The following ROS1 variants were observed in gnomAD, a reference collection of about 807,000 sequenced individuals.
ROS1 encodes ROS proto-oncogene 1, receptor tyrosine kinase.
Under a neutral mutation model 273.5 loss-of-function variants are expected in ROS1, and 263 were observed. The ratio of observed to expected loss-of-function variants is 0.96; its 90% CI spans 0.87 to 1.06. The LOEUF (loss-of-function observed/expected upper bound fraction) is 1.06. ROS1 is among the 50% of genes least tolerant of loss of function. The pLI is 0.00. For synonymous variants in ROS1, 1,008 were observed against 954.1 expected (o/e 1.06, Z -1.04); for missense variants, 2,833 against 2,751.1 (o/e 1.03, Z -0.67).
intron 18 of ROS1, among the ~76,000 whole-genome samples, chr6:117,369,346 G>T (rs1392863953): frequency 6.6e-6 from 1 of 152,074 alleles, no homozygotes; most frequent in African/African-American, 2.4e-5. Flanking sequence ...GTGGATGCTC[G>T]AGGAGCTAGA....
In ROS1 at chr6:117,365,082, CAG is replaced by C. The variant is rs755555268; in HGVS notation, c.3079_3080del (p.Leu1027ValfsTer6). 1.9e-6 allele frequency: 3 copies of C among 1,613,496 alleles called. No individual in the cohort carries two copies. The highest frequency in any genetic ancestry group is 2.5e-6 in the Non-Finnish European group (3 of 1,179,816). ...TYWGKGPKTS[L>X]SLRAPETVPS... is the part of the protein sequence containing the mutation. ...TACCTGTTTCAGGTGCTCGAAGTGA[CAG>C]AGATGTTTTGGGGCCCTTTCCCCAG... On this transcript the variant is annotated frameshift_variant, in exon 21 of 44. Transcript: ENST00000368507. LOFTEE classifies it high-confidence loss of function.
chr6:117,400,688 T>G (rs1380640081), intron 7 of ROS1, among the ~76,000 whole-genome samples: 1 of 151,818 alleles, frequency 6.6e-6, no homozygotes, highest in Non-Finnish European at 1.5e-5. Flanking sequence ...CTCCTGAGTC[T>G]CTCCTTCTCC....
intron 39 of ROS1, among the ~76,000 whole-genome samples, chr6:117,311,861 T>C (rs1225527871): frequency 1.3e-5 from 2 of 152,144 alleles, no homozygotes; most frequent in Non-Finnish European, 2.9e-5. Flanking sequence ...CCTGAAGCTA[T>C]ATTACATTGT....
At chr6:117,304,924 T>C (rs1203493804) in intron 42 of ROS1, among the ~76,000 whole-genome samples, 1 of 152,098 alleles carries the variant, frequency 6.6e-6, no homozygotes, top group Non-Finnish European at 1.5e-5. Flanking sequence ...TTGCTCCCTC[T>C]TTGCCTCCTG....
chr6:117,341,550 T>G lies in ROS1; in HGVS notation c.4734A>C (p.Pro1578=). The change falls in exon 30 of 44, where the codon CCA becomes CCC. Residue 1578 remains proline (P), a synonymous_variant. Transcript: ENST00000368507. ...AACGGACTGATTCTTTAGGTCCATT[T>G]GGCTTGTGAGATTCTCTCCAAGATA... ...LIISWRESHK[P]NGPKESVRYQ... The G allele has an allele frequency of 2.5e-6, 4 of 1,613,850 alleles. No individual in the cohort carries two copies. The highest frequency in any genetic ancestry group is 3.4e-6 in the Non-Finnish European group (4 of 1,179,770).
Position 117,425,743 on chromosome 6 carries a change from G to A in ROS1, c.-87C>T, listed in dbSNP as rs558733798. On this transcript the variant is annotated 5_prime_UTR_variant, in exon 1 of 44. Coordinates refer to ENST00000368507, the MANE Select transcript of ROS1 (RefSeq NM_001378902.1). ...TTATTTGGGCTTCATCACTTCAATT[G>A]GAGGAGTAGCTGATGGATTTTGCTT... is the stretch of plus-strand genomic sequence containing the variant. 1.1e-5 allele frequency: 15 copies of A among 1,405,952 alleles called. No homozygotes were observed. In the African/African-American group the frequency reaches 1.9e-4, roughly 18 times the overall value. 87.1% of individuals were successfully genotyped at this position (1,405,952 alleles called of 1,614,324 possible).
At chr6:117,411,042 T>C (rs1481690016) in intron 4 of ROS1, among the ~76,000 whole-genome samples, 1 of 152,166 alleles carries the variant, frequency 6.6e-6, no homozygotes, top group Non-Finnish European at 1.5e-5. Flanking sequence ...AGAGACGAGA[T>C]GTATTTGGAA....
intron 27 of ROS1, among the ~76,000 whole-genome samples, 153 bp from the exon 28 acceptor site, chr6:117,344,415 A>C (rs761599367): frequency 1.1e-4 from 17 of 152,264 alleles, no homozygotes; most frequent in Non-Finnish European, 2.1e-4. Flanking sequence ...AATGATTTGA[A>C]ATAATATTCT....
chr6:117,377,205 G>A (rs984208889), intron 18 of ROS1, among the ~76,000 whole-genome samples: 7 of 152,090 alleles, frequency 4.6e-5, no homozygotes, highest in African/African-American at 1.2e-4. Flanking sequence ...CTGCCTCCCC[G>A]GTTCAATTGA....
chr6:117,345,874 G>A (rs1778332274), intron 27 of ROS1, among the ~76,000 whole-genome samples: 1 of 152,138 alleles, frequency 6.6e-6, no homozygotes, highest in South Asian at 2.1e-4. Flanking sequence ...TCTGGTCTGG[G>A]AATTCCAAAT....
intron 35 of ROS1, among the ~76,000 whole-genome samples, chr6:117,323,909 C>G (rs1776456224): frequency 2.0e-5 from 3 of 152,128 alleles, no homozygotes; most frequent in Admixed American, 1.3e-4. Flanking sequence ...TGCTTAGAAA[C>G]CAAAACTATC....
At chr6:117,399,445 G>T (rs1285307702) in intron 7 of ROS1, among the ~76,000 whole-genome samples, 1 of 152,212 alleles carries the variant, frequency 6.6e-6, no homozygotes, top group Admixed American at 6.5e-5. Flanking sequence ...CAAACCCTGA[G>T]ATCTGACAAG....
intron 32 of ROS1, among the ~76,000 whole-genome samples, chr6:117,330,614 G>T (rs576937329): frequency 6.6e-6 from 1 of 152,140 alleles, no homozygotes; most frequent in Non-Finnish European, 1.5e-5. Context: ...CCAGAAGAAG[G>T]AGCAGACACC....
At chr6:117,380,887 T>C (rs1162880895) in intron 17 of ROS1, among the ~76,000 whole-genome samples, 1 of 152,148 alleles carries the variant, frequency 6.6e-6, no homozygotes, top group Non-Finnish European at 1.5e-5. Context: ...TCTTACTTTG[T>C]TCATTCTTTT....
At position 117,341,593 on chromosome 6, in the gene ROS1, G is replaced by A. The variant is rs1284677397; in HGVS notation, c.4691C>T (p.Ser1564Leu). 1.2e-6 allele frequency: 2 copies of A among 1,613,636 alleles called. No homozygotes were observed. Among genetic ancestry groups the A allele is most frequent in the South Asian group, 2.2e-5 (2 of 91,046 alleles). Reference protein sequence around the residue: ...AVQLINTTVRSDTSLIISWRE... With the variant: ...AVQLINTTVRLDTSLIISWRE... ...CCAAGATATAATGAGGCTGGTGTCT[G>A]ACCGCACAGTTGTATTAATGAGCTG... Residue 1564 changes from serine to leucine, a missense_variant, in exon 30 of 44, where the codon TCA becomes TTA. Coordinates refer to ENST00000368507, the MANE Select transcript of ROS1 (RefSeq NM_001378902.1).
chr6:117,305,915 C>G (rs1054322040), intron 42 of ROS1, among the ~76,000 whole-genome samples: 1 of 151,808 alleles, frequency 6.6e-6, no homozygotes. Flanking sequence ...TTTACCTGGG[C>G]TGGTTGTTTT....
Position 117,342,406 on chromosome 6 carries a change from T to C in ROS1, c.4645A>G (p.Asn1549Asp). Residue 1549 changes from asparagine to aspartate, a missense_variant, in exon 29 of 44, where the codon AAT (asparagine) becomes GAT (aspartate). Coordinates refer to ENST00000368507, the MANE Select transcript of ROS1 (RefSeq NM_001378902.1). The stretch of plus-strand genomic sequence containing the variant: ...CAACAAGCCCATAACTTACCTCCAT[T>C]TTTAGTTTTTCCCCAAATCTCTTTT... ...PGKEIWGKTK[N>D]GVPEAVQLIN... 2.5e-6 allele frequency: 4 copies of C among 1,612,174 alleles called. No individual in the cohort carries two copies. The highest frequency in any genetic ancestry group is 1.7e-6 in the Non-Finnish European group (2 of 1,179,056).
In ROS1 at chr6:117,359,838, GAAGA is replaced by G. The variant is rs1779637483; in HGVS notation, c.3600_3603del (p.Leu1201CysfsTer36). ...GAGCTAGAGCGATTGTGCAAGTGCAGAAGAAAGAGTGAGTCCCCTTCAGCATAAT... is the reference window on the plus strand; with the variant it reads ...GAGCTAGAGCGATTGTGCAAGTGCAGAAGAGTGAGTCCCCTTCAGCATAAT... On this transcript the variant is annotated frameshift_variant, in exon 24 of 44. Coordinates refer to ENST00000368507, the MANE Select transcript of ROS1 (RefSeq NM_001378902.1). LOFTEE classifies it high-confidence loss of function. 3 of 1,613,914 alleles carry G rather than the reference GAAGA, an allele frequency of 1.9e-6. No individual in the cohort carries two copies. Among genetic ancestry groups the G allele is most frequent in the East Asian group, 4.5e-5 (2 of 44,866 alleles).
At position 117,308,847 on chromosome 6, in the gene ROS1, G is replaced by A. The variant is rs2128546047; in HGVS notation, c.6498C>T (p.Asn2166=). 6.2e-7 allele frequency: 1 copy of A among 1,613,400 alleles called. No individual in the cohort carries two copies. The highest frequency in any genetic ancestry group is 8.5e-7 in the Non-Finnish European group (1 of 1,179,618). ...YPAHSNLDVL[N]YVQTGGRLEP... is the part of the protein sequence containing the mutation. ...CCAGTCTCCCTCCTGTTTGCACATA[G>A]TTTAACACATCAAGGTTGGAATGAG... The change falls in exon 42 of 44, where the codon AAC becomes AAT. Residue 2166 remains asparagine, a synonymous_variant. Coordinates refer to ENST00000368507, the MANE Select transcript of ROS1 (RefSeq NM_001378902.1).
Sources: gnomAD v4.1 joint callset for allele counts (sites outside exome capture counted in the v4.1 genomes callset) on GRCh38, gnomAD v4.1.1 for gene constraint, MANE v1.5 for transcripts, NCBI Gene and HGNC (gene_info 2026-07-23, HGNC 2026-07-21) for gene names.